KIF26B: variants seen among roughly 807,000 people sequenced by gnomAD.
KIF26B encodes the protein kinesin-like protein KIF26B.
In KIF26B, 63 loss-of-function variants were observed where a neutral mutation model predicts 151.2. The observed-to-expected ratio is 0.42, with a 90% CI of 0.34 to 0.51. The LOEUF (loss-of-function observed/expected upper bound fraction) is 0.51. KIF26B is among the 20% of genes least tolerant of loss of function. The pLI is 0.07. For missense variants in KIF26B, 2,813 were observed against 2,913.6 expected (o/e 0.97, Z 0.79); for synonymous variants, 1,357 against 1,262.1 (o/e 1.08, Z -1.59).
Position 245,628,499 on chromosome 1 carries a change from C to T in KIF26B, c.2098+16523C>T, listed in dbSNP as rs530031654. ...AACATAATCCATCACATAAACAGAA[C>T]CAATGACAAAAACCACATGATTATC... On this transcript the variant is annotated intron_variant, in intron 9 of 14. Transcript: ENST00000407071. Among the ~76,000 whole-genome samples the T allele has an allele frequency of 2.0e-5, 3 of 152,298 alleles. No homozygotes were observed. In the East Asian group the frequency reaches 5.8e-4, roughly 29 times the overall value.
chr1:245,552,122 GGTGT>G (rs55650522), intron 5 of KIF26B, among the ~76,000 whole-genome samples: 12,617 of 131,304 alleles, frequency 0.096, 734 homozygotes, highest in Middle Eastern at 0.13. Flanking sequence ...GAACCAGCAG[GGTGT>G]GTGTGTGTGT....
At chr1:245,265,168 T>C (rs899014794) in intron 2 of KIF26B, among the ~76,000 whole-genome samples, 6 of 146,150 alleles carry the variant, frequency 4.1e-5, no homozygotes, top group Non-Finnish European at 8.9e-5. Flanking sequence ...TGCCACTGCA[T>C]TCCAGTCTGG....
At chr1:245,567,954 C>A (rs1035105984) in intron 5 of KIF26B, among the ~76,000 whole-genome samples, 10 of 151,924 alleles carry the variant, frequency 6.6e-5, no homozygotes, top group African/African-American at 2.4e-4. Context: ...AAGGTGGAGG[C>A]AGGCAGATCA....
At chr1:245,543,469 T>G (rs1237439200) in intron 5 of KIF26B, among the ~76,000 whole-genome samples, 1 of 121,446 alleles carries the variant, frequency 8.2e-6, no homozygotes, top group African/African-American at 2.9e-5. Context: ...AGTTCACCCA[T>G]GAGACTGTGT....
At position 245,450,689 on chromosome 1, in the gene KIF26B, T is replaced by G. The variant is rs184161230; in HGVS notation, c.1166+30944T>G. Among the ~76,000 whole-genome samples the G allele has an allele frequency of 1.7e-3, 262 of 152,320 alleles. 2 individuals carry two copies. Among genetic ancestry groups the G allele is most frequent in the African/African-American group, 6.0e-3 (248 of 41,572 alleles). ...GTTAGGCGTATTCTGTGGTAGGATT[T>G]AGAGTCAAAAGTGTTTTTTATACTA... On this transcript the variant is annotated intron_variant, in intron 4 of 14. Transcript: ENST00000407071.
At chr1:245,509,928 G>T (rs961389792) in intron 4 of KIF26B, among the ~76,000 whole-genome samples, 1 of 152,146 alleles carries the variant, frequency 6.6e-6, no homozygotes, top group African/African-American at 2.4e-5. Flanking sequence ...CTATTACAGA[G>T]CCCCGTCTGT....
At chr1:245,157,053 A>G (rs1008521227) in intron 2 of KIF26B, among the ~76,000 whole-genome samples, 1 of 152,192 alleles carries the variant, frequency 6.6e-6, no homozygotes, top group African/African-American at 2.4e-5. Context: ...ATCCTTTACA[A>G]AAATGTCAGC....
chr1:245,676,903 G>A lies in KIF26B; in HGVS notation c.2259-7330G>A, dbSNP rs147153314. Among the ~76,000 whole-genome samples the A allele has an allele frequency of 1.2e-4, 19 of 152,196 alleles. No homozygotes were observed. The East Asian group carries it at 3.5e-3, about 28-fold the overall frequency. ...TCACTTCTCTCCTGCCTGTCACTGG[G>A]CACAGCCACCAACATTCCAGAGCCA... On this transcript the variant is annotated intron_variant, in intron 10 of 14. Coordinates refer to ENST00000407071, the MANE Select transcript of KIF26B (RefSeq NM_018012.4).
chr1:245,607,562 GC>G (rs2043469266), intron 6 of KIF26B, 88 bp from the exon 7 acceptor site: 1 of 1,036,852 alleles, frequency 9.6e-7, no homozygotes. Context: ...GGGACCCGAA[GC>G]CCCAGGAAGG....
In KIF26B at chr1:245,512,391, T is replaced by A. The variant is rs898012966; in HGVS notation, c.1167-28376T>A. Among the ~76,000 whole-genome samples, 1 of 152,218 alleles carries A rather than the reference T, an allele frequency of 6.6e-6. No individual in the cohort carries two copies. Among genetic ancestry groups the A allele is most frequent in the Non-Finnish European group, 1.5e-5 (1 of 68,028 alleles). On this transcript the variant is annotated intron_variant, in intron 4 of 14. Coordinates refer to ENST00000407071, the MANE Select transcript of KIF26B (RefSeq NM_018012.4). The surrounding 1 kb of genome is among the most constrained non-coding windows in gnomAD (Gnocchi z 4.3). ...GCCCAGCCTTGGACAGAGGGAGTAC[T>A]GTGAAGCAACATGCAGGGCTGCCAA...
chr1:245,532,095 A>G (rs1313452664), intron 4 of KIF26B, among the ~76,000 whole-genome samples: 1 of 152,154 alleles, frequency 6.6e-6, no homozygotes, highest in African/African-American at 2.4e-5. Flanking sequence ...CTTAAGAAAA[A>G]AACAAAGCAA....
chr1:245,517,913 C>T (rs547862826), intron 4 of KIF26B, among the ~76,000 whole-genome samples: 10 of 147,472 alleles, frequency 6.8e-5, no homozygotes, highest in East Asian at 2.0e-4. Flanking sequence ...CACTCTATCG[C>T]GCAGGCCGGA....
chr1:245,390,943 A>AAAAAAAAAAAACAAAACAAAAC lies in KIF26B; in HGVS notation c.999+23585_999+23586insAACAAAACAAAACAAAAAAAAA, dbSNP rs1553270131. Reference sequence around the variant, plus strand: ...TCTCAAAAAAAAAAAAAAAAAAAAAAAAAAAAAAACCACCATAAAATTTTG... The same window carrying AAAAAAAAAAAACAAAACAAAAC: ...TCTCAAAAAAAAAAAAAAAAAAAAAAAAAAAAAAAAACAAAACAAAACAAAAAAAAACCACCATAAAATTTTG... On this transcript the variant is annotated intron_variant, in intron 3 of 14. Transcript: ENST00000407071. 2.3e-3 allele frequency among the ~76,000 whole-genome samples: 270 copies of AAAAAAAAAAAACAAAACAAAAC among 118,400 alleles called. 11 individuals are homozygous for AAAAAAAAAAAACAAAACAAAAC. Among genetic ancestry groups the AAAAAAAAAAAACAAAACAAAAC allele is most frequent in the African/African-American group, 5.5e-3 (134 of 24,418 alleles). The allele number at this position is 118,400 out of a possible 152,430, so 77.7% of individuals were successfully genotyped here.
chr1:245,371,937 G>A (rs750081142), intron 3 of KIF26B, among the ~76,000 whole-genome samples: 1 of 152,076 alleles, frequency 6.6e-6, no homozygotes, highest in Non-Finnish European at 1.5e-5. Context: ...ATTATAAGAC[G>A]GGCTTTCAAA....
intron 14 of KIF26B, among the ~76,000 whole-genome samples, chr1:245,700,302 C>T (rs1025593890): frequency 7.9e-5 from 12 of 152,116 alleles, no homozygotes; most frequent in Non-Finnish European, 1.2e-4. Context: ...AATCAGTTCC[C>T]GTTGGTCCTC....
intron 5 of KIF26B, among the ~76,000 whole-genome samples, chr1:245,543,400 A>T (rs1278340699): frequency 6.6e-6 from 1 of 152,196 alleles, no homozygotes; most frequent in Non-Finnish European, 1.5e-5. Flanking sequence ...ACACTTTTTT[A>T]AAAAAATTAA....
intron 4 of KIF26B, among the ~76,000 whole-genome samples, chr1:245,539,099 T>C (rs1474853523): frequency 1.3e-5 from 2 of 152,134 alleles, no homozygotes; most frequent in Admixed American, 6.6e-5. Context: ...TAGGGTGACT[T>C]AGGGTATCTT....
intron 2 of KIF26B, among the ~76,000 whole-genome samples, chr1:245,334,959 G>A (rs1028662212): frequency 2.6e-5 from 4 of 152,220 alleles, no homozygotes; most frequent in Non-Finnish European, 5.9e-5. Context: ...CAGGTCTCAT[G>A]ACCTTAAGTT....
intron 10 of KIF26B, among the ~76,000 whole-genome samples, chr1:245,660,162 G>A (rs978025376): frequency 6.6e-6 from 1 of 151,308 alleles, no homozygotes; most frequent in Non-Finnish European, 1.5e-5. Flanking sequence ...CACATGTCTA[G>A]AATTTGGTGG....
Sources: allele counts gnomAD v4.1 joint callset (sites outside exome capture counted in the v4.1 genomes callset), GRCh38; gene constraint gnomAD v4.1.1; non-coding constraint Gnocchi (gnomAD v3.1); transcripts MANE v1.5; gene names NCBI Gene and HGNC (gene_info 2026-07-23, HGNC 2026-07-21).